KANK4: variants seen among roughly 807,000 people sequenced by gnomAD.
KANK4 encodes the protein KN motif and ankyrin repeat domain-containing protein 4.
KANK4 carries 50 observed loss-of-function variants against 80.8 expected under a neutral mutation model. That is an observed-to-expected ratio of 0.62 (90% CI 0.49 to 0.78). KANK4 has a LOEUF of 0.78. KANK4 is among the 30% of genes least tolerant of loss of function. KANK4 has a pLI of 0.00. For missense variants in KANK4, 1,196 were observed against 1,240.1 expected (o/e 0.96, Z 0.53); for synonymous variants, 465 against 506.9 (o/e 0.92, Z 1.11).
At chr1:62,288,531 C>T (rs1672616310) in intron 1 of KANK4, among the ~76,000 whole-genome samples, 1 of 150,492 alleles carries the variant, frequency 6.6e-6, no homozygotes, top group Non-Finnish European at 1.5e-5. Context: ...GTCACAGACA[C>T]AGTCATTCCC....
At chr1:62,264,619 G>A (rs112688416) in intron 6 of KANK4, among the ~76,000 whole-genome samples, 4 of 152,060 alleles carry the variant, frequency 2.6e-5, no homozygotes, top group African/African-American at 7.2e-5. Context: ...GACAGTATCC[G>A]GTGCTTTGAT....
At chr1:62,286,858 G>A (rs1672580872) in intron 1 of KANK4, among the ~76,000 whole-genome samples, 1 of 152,166 alleles carries the variant, frequency 6.6e-6, no homozygotes, top group African/African-American at 2.4e-5. Context: ...GTAAATTCCT[G>A]GGGCTGGACT....
chr1:62,288,090 A>G (rs1571025066), intron 1 of KANK4, among the ~76,000 whole-genome samples: 2 of 152,076 alleles, frequency 1.3e-5, no homozygotes, highest in Non-Finnish European at 2.9e-5. Flanking sequence ...AGCATCCCCA[A>G]CCCCTATGCC....
intron 3 of KANK4, chr1:62,272,526 ACAATG>A (rs1367034678): frequency 6.6e-6 from 1 of 152,282 alleles, no homozygotes. Flanking sequence ...CTGCCTTTGC[ACAATG>A]CAAATGAGAA....
chr1:62,253,102 A>C lies in KANK4; in HGVS notation c.2647T>G (p.Leu883Val), dbSNP rs745635707. 6.4e-5 allele frequency: 103 copies of C among 1,613,968 alleles called. No homozygotes were observed. Among genetic ancestry groups the C allele is most frequent in the Non-Finnish European group, 8.5e-5 (100 of 1,179,998 alleles). ...NEDMAVVWKLLREGNVNIQAT... is the reference protein window; with the variant it reads ...NEDMAVVWKLVREGNVNIQAT... ...TGAATGTTCACATTTCCTTCTCTTA[A>C]GAGCTTCCAGACAACAGCCATGTCT... Residue 883 changes from leucine to valine, a missense_variant, in exon 8 of 10, where the codon TTA becomes GTA. Physicochemically the swap from Leu to Val is conservative, Grantham distance 32 (BLOSUM62 1). Transcript: ENST00000371153.
rs1671200227 is a variant in KANK4, at chr1:62,236,349, T to C, written c.*1928A>G. ...CAGGTGATTTGTATGCACATAAATG[T>C]TCGCGAAGCACCGGGCTAGAACATT... is the stretch of plus-strand genomic sequence containing the variant. On this transcript the variant is annotated 3_prime_UTR_variant, in exon 10 of 10. Coordinates refer to ENST00000371153, the MANE Select transcript of KANK4 (RefSeq NM_181712.5). Among the ~76,000 whole-genome samples, 2 of 152,226 alleles carry C rather than the reference T, an allele frequency of 1.3e-5. No homozygotes were observed. The highest frequency in any genetic ancestry group is 2.9e-5 in the Non-Finnish European group (2 of 68,046).
intron 9 of KANK4, among the ~76,000 whole-genome samples, chr1:62,246,412 C>G (rs1671467012): frequency 6.6e-6 from 1 of 152,106 alleles, no homozygotes; most frequent in South Asian, 2.1e-4. Context: ...CCCTGCTGGA[C>G]AGCAGAGCTT....
At chr1:62,293,062 TTGTGTG>T (rs5774593) in intron 1 of KANK4, among the ~76,000 whole-genome samples, 20,767 of 146,536 alleles carry the variant, frequency 0.14, 1,817 homozygotes, top group Middle Eastern at 0.26. Context: ...GTCTCAATCT[TTGTGTG>T]TGTGTGTGTG....
In KANK4 at chr1:62,274,371, G is replaced by A. The variant is rs1320761186; in HGVS notation, c.733C>T (p.Leu245Phe). 1.2e-6 allele frequency: 2 copies of A among 1,614,022 alleles called. No individual in the cohort carries two copies. The highest frequency in any genetic ancestry group is 1.3e-5 in the African/African-American group (1 of 74,910). The change falls in exon 3 of 10, where the codon CTC (leucine) becomes TTC (phenylalanine). Residue 245 changes from leucine (L) to phenylalanine (F), a missense_variant. Physicochemically the swap from Leu to Phe is conservative, Grantham distance 22. This residue lies in a region of KANK4 where 1,154 missense variants were observed against 1,179.6 expected (regional missense o/e 0.98). Transcript: ENST00000371153. ...GAGAAAGGAGGGCCTGGGAGAGGGA[G>A]GTGATTTGGAACCTTCACCACACCC... ...PEGVVKVPNH[L>F]PLPGPPFSFQ...
intron 7 of KANK4, among the ~76,000 whole-genome samples, chr1:62,256,423 T>C (rs1030731544): frequency 1.3e-5 from 2 of 152,052 alleles, no homozygotes; most frequent in African/African-American, 4.8e-5. Context: ...TTCACTCTTG[T>C]TGCCCAGGCT....
At chr1:62,315,017 C>T (rs12125629) in intron 1 of KANK4, among the ~76,000 whole-genome samples, 76,800 of 152,084 alleles carry the variant, frequency 0.5, 21,262 homozygotes, top group Admixed American at 0.62. Flanking sequence ...CTGTGACAGC[C>T]CTGTTTTTAG....
At chr1:62,299,088 G>A (rs1352967561) in intron 1 of KANK4, among the ~76,000 whole-genome samples, 1 of 151,666 alleles carries the variant, frequency 6.6e-6, no homozygotes, top group Non-Finnish European at 1.5e-5. Context: ...TTGCTCTGTT[G>A]CCCAGGCCGG....
In KANK4 at chr1:62,254,887, T is replaced by C. The variant is rs1671714254; in HGVS notation, c.2540-1678A>G. Among the ~76,000 whole-genome samples, 4 of 139,138 alleles carry C rather than the reference T, an allele frequency of 2.9e-5. No homozygotes were observed. In the South Asian group the frequency reaches 1.0e-3, roughly 35 times the overall value. The allele number at this position is 139,138 out of a possible 152,430, so 91.3% of individuals were successfully genotyped here. Reference sequence around the variant, plus strand: ...TGCCTGATTAAACCTGGTATTTTTTTTTTTTTTTTTTTTTTTTGAGACGGA... The same window carrying C: ...TGCCTGATTAAACCTGGTATTTTTTCTTTTTTTTTTTTTTTTTGAGACGGA... On this transcript the variant is annotated intron_variant, in intron 7 of 9. Coordinates refer to ENST00000371153, the MANE Select transcript of KANK4 (RefSeq NM_181712.5).
intron 1 of KANK4, among the ~76,000 whole-genome samples, chr1:62,315,245 C>T (rs2149176125): frequency 6.6e-6 from 1 of 152,256 alleles, no homozygotes; most frequent in East Asian, 1.9e-4. Flanking sequence ...GACCTCCAAA[C>T]CCATGCCTCT....
At chr1:62,254,163 A>AG (rs1671693991) in intron 7 of KANK4, among the ~76,000 whole-genome samples, 1 of 152,196 alleles carries the variant, frequency 6.6e-6, no homozygotes, top group East Asian at 1.9e-4. Flanking sequence ...TGAAAAATGG[A>AG]GGGAAAAAAA....
At chr1:62,298,947 G>A (rs1038492029) in intron 1 of KANK4, among the ~76,000 whole-genome samples, 1 of 149,842 alleles carries the variant, frequency 6.7e-6, no homozygotes, top group African/African-American at 2.4e-5. Flanking sequence ...TTTTTTTTCT[G>A]TTTAACAGAA....
In KANK4 at chr1:62,310,484, G is replaced by C. The variant is rs375209352; in HGVS notation, c.-71+8622C>G. Among the ~76,000 whole-genome samples the C allele has an allele frequency of 2.2e-4, 34 of 152,224 alleles. 1 individual carries two copies. The South Asian group carries it at 6.6e-3, about 30-fold the overall frequency. On this transcript the variant is annotated intron_variant, in intron 1 of 9. Coordinates refer to ENST00000371153, the MANE Select transcript of KANK4 (RefSeq NM_181712.5). ...CCAGAAAAGGGGTTTGGGGGGCTGG[G>C]GTGCCAAGAATGGGCAAATTCCCTG...
chr1:62,261,766 C>T (rs1463238774), intron 7 of KANK4, among the ~76,000 whole-genome samples: 1 of 152,190 alleles, frequency 6.6e-6, no homozygotes. Flanking sequence ...CCCATCCCAT[C>T]CAAACTAGAA....
chr1:62,316,306 A>G (rs995170238), intron 1 of KANK4, among the ~76,000 whole-genome samples: 2 of 152,008 alleles, frequency 1.3e-5, no homozygotes, highest in African/African-American at 4.8e-5. Context: ...CTAATTGTCA[A>G]CTCTGCCCAT....
Sources: allele counts gnomAD v4.1 joint callset (sites outside exome capture counted in the v4.1 genomes callset), GRCh38; gene constraint gnomAD v4.1.1; regional missense constraint gnomAD v4.1.1; transcripts MANE v1.5; gene names NCBI Gene and HGNC (gene_info 2026-07-23, HGNC 2026-07-21).